Variants in C1orf185 observed in about 807,000 individuals in gnomAD.
The protein encoded by C1orf185 is uncharacterized protein C1orf185.
A neutral mutation model predicts 16.1 loss-of-function variants in C1orf185; 13 were observed. The ratio of observed to expected loss-of-function variants is 0.81; its 90% CI spans 0.53 to 1.28. The LOEUF (loss-of-function observed/expected upper bound fraction) is 1.28. Among genes scored for constraint, C1orf185 ranks in the 50% most tolerant of loss-of-function variants. The probability of loss-of-function intolerance (pLI) is 0.00; values close to 1 mark genes in which losing one functional copy is unlikely to be tolerated. For synonymous variants in C1orf185, 80 were observed against 76.9 expected (o/e 1.04, Z -0.21); for missense variants, 220 against 225.2 (o/e 0.98, Z 0.15).
intron 3 of C1orf185, among the ~76,000 whole-genome samples, chr1:51,129,083 C>T (rs1392537019): frequency 4.6e-5 from 7 of 151,954 alleles, no homozygotes; most frequent in Non-Finnish European, 8.8e-5. Flanking sequence ...CAGGGTTTCA[C>T]CATGTTGGCC....
chr1:51,136,906 A>G (rs1646329423), intron 3 of C1orf185, among the ~76,000 whole-genome samples: 2 of 152,184 alleles, frequency 1.3e-5, no homozygotes, highest in Non-Finnish European at 2.9e-5. Context: ...AAATTGACAA[A>G]TGGGATCTAA....
chr1:51,117,717 A>G (rs1646167895), intron 2 of C1orf185, among the ~76,000 whole-genome samples: 1 of 152,148 alleles, frequency 6.6e-6, no homozygotes, highest in South Asian at 2.1e-4. Flanking sequence ...AATACTGAAA[A>G]ATATTCCATT....
chr1:51,138,073 G>A (rs1259419219), intron 3 of C1orf185, among the ~76,000 whole-genome samples: 1 of 152,098 alleles, frequency 6.6e-6, no homozygotes, highest in African/African-American at 2.4e-5. Context: ...TGAGAGAAGG[G>A]AGAGAATCAG....
At chr1:51,150,504 G>GT (rs1646425424), downstream of C1orf185, among the ~76,000 whole-genome samples, 5 of 152,048 alleles carry the variant, frequency 3.3e-5, no homozygotes, top group Admixed American at 3.3e-4. Context: ...TAAATGGAAT[G>GT]TATTTCCTAA....
intron 3 of C1orf185, among the ~76,000 whole-genome samples, chr1:51,127,478 G>C (rs191774085): frequency 6.6e-6 from 1 of 152,010 alleles, no homozygotes; most frequent in East Asian, 1.9e-4. Context: ...GTAGGACAGG[G>C]TTTCACCATG....
intron 1 of C1orf185, among the ~76,000 whole-genome samples, chr1:51,111,452 A>G (rs1001313684): frequency 4.2e-5 from 6 of 143,262 alleles, no homozygotes; most frequent in African/African-American, 1.6e-4. Flanking sequence ...AGTTCACTGT[A>G]ATCTCAAATT....
At chr1:51,117,031 T>C (rs1213839456) in intron 2 of C1orf185, among the ~76,000 whole-genome samples, 1 of 152,212 alleles carries the variant, frequency 6.6e-6, no homozygotes, top group Non-Finnish European at 1.5e-5. Flanking sequence ...CATTTTCTTG[T>C]GATTACGTTA....
intron 3 of C1orf185, among the ~76,000 whole-genome samples, chr1:51,139,674 G>A (rs565556356): frequency 6.6e-6 from 1 of 152,240 alleles, no homozygotes; most frequent in East Asian, 1.9e-4. Flanking sequence ...TATAAATGGT[G>A]CCCCCTAGAG....
intron 2 of C1orf185, 28 bp downstream of exon 2, chr1:51,112,597 C>A (rs982135452): frequency 9.5e-6 from 14 of 1,481,166 alleles, no homozygotes; most frequent in African/African-American, 1.4e-5. Context: ...ATTTCTTTAA[C>A]CTTTTTTTCT....
intron 3 of C1orf185, among the ~76,000 whole-genome samples, chr1:51,123,993 G>A (rs963078614): frequency 1.3e-5 from 2 of 151,104 alleles, no homozygotes; most frequent in African/African-American, 2.4e-5. Flanking sequence ...GAGAGAGAGA[G>A]CGAGCAATAA....
At chr1:51,107,449 G>A (rs1407391715) in intron 1 of C1orf185, 1 of 152,104 alleles carries the variant, frequency 6.6e-6, no homozygotes, top group Admixed American at 6.5e-5. Flanking sequence ...GTAAAATTTG[G>A]TGTACTTTAA....
chr1:51,121,281 G>C (rs1646196017), intron 3 of C1orf185, among the ~76,000 whole-genome samples: 1 of 151,886 alleles, frequency 6.6e-6, no homozygotes, highest in African/African-American at 2.4e-5. Context: ...CCAGCCCCTG[G>C]TATCCTGCCA....
At chr1:51,151,373 A>G (rs1646428715), downstream of C1orf185, among the ~76,000 whole-genome samples, 1 of 152,250 alleles carries the variant, frequency 6.6e-6, no homozygotes, top group Non-Finnish European at 1.5e-5. Flanking sequence ...GGAACAAAGG[A>G]AGTGAAGTTT....
chr1:51,130,440 C>T lies in C1orf185; in HGVS notation c.258+11639C>T, dbSNP rs181852882. ...GCTCAAGTGATCCTCCCACCTCAGT[C>T]CCCTGAGTAGCTGAGACTACAGACA... On this transcript the variant is annotated intron_variant, in intron 3 of 4. Coordinates refer to ENST00000371759, the MANE Select transcript of C1orf185 (RefSeq NM_001136508.2). Among the ~76,000 whole-genome samples, 25 of 152,012 alleles carry T rather than the reference C, an allele frequency of 1.6e-4. No individual in the cohort carries two copies. In the East Asian group the frequency reaches 2.7e-3, roughly 16 times the overall value.
chr1:51,144,362 A>C (rs1411807709), intron 3 of C1orf185, among the ~76,000 whole-genome samples: 1 of 152,216 alleles, frequency 6.6e-6, no homozygotes, highest in Non-Finnish European at 1.5e-5. Context: ...AGCCAAGGTA[A>C]GGCCAGGAAG....
Position 51,112,816 on chromosome 1 carries a change from C to T in C1orf185, c.122+247C>T, listed in dbSNP as rs11810658. Among the ~76,000 whole-genome samples the T allele has an allele frequency of 7.4e-3, 1,063 of 142,790 alleles. 13 individuals are homozygous for T. Among genetic ancestry groups the T allele is most frequent in the African/African-American group, 0.026 (1,016 of 39,220 alleles). 93.7% of individuals were successfully genotyped at this position (142,790 alleles called of 152,430 possible). A position where few individuals can be genotyped will look rare whatever the true frequency, so the allele number is the denominator to read the frequency against. ...AGGATAACAAGACCTACTTTCTTTT[C>T]TTTTTTTTTTTTTCTTTTCTTGAGA... On this transcript the variant is annotated intron_variant, in intron 2 of 4. Coordinates refer to ENST00000371759, the MANE Select transcript of C1orf185 (RefSeq NM_001136508.2).
intron 3 of C1orf185, among the ~76,000 whole-genome samples, chr1:51,125,051 T>A (rs1646230459): frequency 6.6e-6 from 1 of 151,954 alleles, no homozygotes; most frequent in African/African-American, 2.4e-5. Flanking sequence ...TAAAAATCTC[T>A]GGATACCTTA....
chr1:51,147,909 A>G lies in C1orf185; in HGVS notation c.*138A>G, dbSNP rs750110442. ...ACAATCAGCTTCTGAGTCTCTTAAC[A>G]TGTCCATGCTAATATTGCTTTTTTT... On this transcript the variant is annotated 3_prime_UTR_variant, in exon 5 of 5. Transcript: ENST00000371759. 1.3e-4 allele frequency: 98 copies of G among 763,426 alleles called. No individual in the cohort carries two copies. The highest frequency in any genetic ancestry group is 1.9e-4 in the Non-Finnish European group (95 of 503,584). 47.3% of individuals were successfully genotyped at this position (763,426 alleles called of 1,614,324 possible).
At chr1:51,129,293 G>A (rs555330709) in intron 3 of C1orf185, among the ~76,000 whole-genome samples, 2 of 152,174 alleles carry the variant, frequency 1.3e-5, no homozygotes, top group South Asian at 2.1e-4. Context: ...AGTGTGAGCC[G>A]CTGCACCCAG....
Sources: gnomAD v4.1 joint callset for allele counts (sites outside exome capture counted in the v4.1 genomes callset) on GRCh38, gnomAD v4.1.1 for gene constraint, MANE v1.5 for transcripts, NCBI Gene and HGNC (gene_info 2026-07-23, HGNC 2026-07-21) for gene names.